The following PFKP variants were observed in gnomAD, a reference collection of about 807,000 sequenced individuals.
PFKP encodes phosphofructokinase, platelet, also known as ATP-dependent 6-phosphofructokinase, platelet type.
In PFKP, 101 loss-of-function variants were observed where a neutral mutation model predicts 94.3. The ratio of observed to expected loss-of-function variants is 1.07; its 90% CI spans 0.91 to 1.26. PFKP has a LOEUF of 1.26. Ranked by LOEUF, PFKP falls within the 50% of genes most tolerant of loss-of-function variation. The pLI is 0.00. For missense variants in PFKP, 1,145 were observed against 1,103.3 expected, an observed-to-expected ratio of 1.04 and a Z score of -0.53; for synonymous variants, 573 against 432.6, an observed-to-expected ratio of 1.32 and a Z score of -4.03.
chr10:3,135,373 TTTC>T (rs1216257625), intron 20 of PFKP, among the ~76,000 whole-genome samples: 103 of 152,366 alleles, frequency 6.8e-4, no homozygotes, highest in African/African-American at 2.4e-3. Context: ...CTACAGCGAT[TTTC>T]TTTTGCTAAT....
chr10:3,128,507 T>A (rs112415505), intron 16 of PFKP, among the ~76,000 whole-genome samples: 1 of 137,248 alleles, frequency 7.3e-6, no homozygotes, highest in African/African-American at 2.7e-5. Flanking sequence ...AATAATACTC[T>A]CTCCCACAGC....
chr10:3,129,058 G>A (rs905495431), intron 16 of PFKP: 5 of 152,270 alleles, frequency 3.3e-5, no homozygotes, highest in South Asian at 2.1e-4. Context: ...CTGTGTGAAC[G>A]GATTGGAGGG....
rs1476616343 is a variant in PFKP, at chr10:3,080,533, AAAAAAAAG to A, written c.113-1853_113-1846del. On this transcript the variant is annotated intron_variant, in intron 1 of 21. Coordinates refer to ENST00000381125, the MANE Select transcript of PFKP (RefSeq NM_002627.5). The stretch of plus-strand genomic sequence containing the variant: ...CTCCGTCTCAAAAAAAAAAAAAAAA[AAAAAAAAG>A]AGAATATTGAAACTGGTATGGAAAA... Among the ~76,000 whole-genome samples, 492 of 151,006 alleles carry A rather than the reference AAAAAAAAG, an allele frequency of 3.3e-3. 2 individuals are homozygous for A. The highest frequency in any genetic ancestry group is 0.011 in the African/African-American group (468 of 41,158).
intron 17 of PFKP, among the ~76,000 whole-genome samples, chr10:3,131,872 T>C (rs1838628338): frequency 6.6e-6 from 1 of 152,210 alleles, no homozygotes; most frequent in Non-Finnish European, 1.5e-5. Context: ...GTAATCCTCC[T>C]AACATGATCT....
At chr10:3,112,190 A>G in intron 10 of PFKP, 32 bp from the exon 11 acceptor site, 6 of 1,587,372 alleles carry the variant, frequency 3.8e-6, no homozygotes, top group Non-Finnish European at 4.3e-6. Context: ...GTCCTGACAC[A>G]TTCTTTCTTC....
intron 2 of PFKP, among the ~76,000 whole-genome samples, chr10:3,094,638 C>T (rs78236406): frequency 0.031 from 4,661 of 152,192 alleles, 246 homozygotes; most frequent in African/African-American, 0.11. Flanking sequence ...AGGATAAAGC[C>T]ACGATTCCTG....
intron 15 of PFKP, 21 bp from the exon 16 acceptor site, chr10:3,119,871 A>G: frequency 6.2e-7 from 1 of 1,612,090 alleles, no homozygotes; most frequent in Non-Finnish European, 8.5e-7. Context: ...TCGCCCCACA[A>G]CTCCCACGCT....
At position 3,115,289 on chromosome 10, in the gene PFKP, G is replaced by A. The variant is rs868615913; in HGVS notation, c.1372-1487G>A. On this transcript the variant is annotated intron_variant, in intron 13 of 21. Transcript: ENST00000381125. ...TGAAAGTGTGTGTCCCACGGCGGAG[G>A]ACAGGACTGGGGATGCTGGGGTGAA... Among the ~76,000 whole-genome samples, 511 of 144,326 alleles carry A rather than the reference G, an allele frequency of 3.5e-3. 22 individuals carry two copies. The highest frequency in any genetic ancestry group is 0.014 in the Middle Eastern group (4 of 280). The allele number at this position is 144,326 out of a possible 152,430, so 94.7% of individuals were successfully genotyped here.
chr10:3,075,350 G>A (rs907657384), intron 1 of PFKP, among the ~76,000 whole-genome samples: 6 of 151,894 alleles, frequency 4.0e-5, no homozygotes, highest in East Asian at 1.9e-4. Context: ...TTTTGTCAGC[G>A]TTTAATAAGG....
At position 3,136,733 on chromosome 10, in the gene PFKP, G is replaced by C. The variant is rs2036355803; in HGVS notation, c.*154G>C. 1 of 669,388 alleles carries C rather than the reference G, an allele frequency of 1.5e-6. No individual in the cohort carries two copies. Among genetic ancestry groups the C allele is most frequent in the Non-Finnish European group, 2.5e-6 (1 of 396,778 alleles). 41.5% of individuals were successfully genotyped at this position (669,388 alleles called of 1,614,324 possible). The stretch of plus-strand genomic sequence containing the variant: ...CCACCTGCTCCAGTGCGTGCTGTCT[G>C]TGGAGTGTGTCTCATGCTTTCAGAT... On this transcript the variant is annotated 3_prime_UTR_variant, in exon 22 of 22. Coordinates refer to ENST00000381125, the MANE Select transcript of PFKP (RefSeq NM_002627.5).
In PFKP at chr10:3,067,720, C is replaced by A. The variant is rs753299847; in HGVS notation, c.112+13C>A. ...GGGGATGCTCAAGGTGCGCGCCCCC[C>A]TCCCGGCGGCGAGGGAGGGACGGAC... On this transcript the variant is annotated intron_variant, in intron 1 of 21. Transcript: ENST00000381125. 8.7e-5 allele frequency: 123 copies of A among 1,411,104 alleles called. 1 individual carries two copies. In the Middle Eastern group the frequency reaches 1.3e-3, roughly 15 times the overall value. 87.4% of individuals were successfully genotyped at this position (1,411,104 alleles called of 1,614,324 possible). A position where few individuals can be genotyped will look rare whatever the true frequency, so the allele number is the denominator to read the frequency against.
At chr10:3,128,457 C>T (rs1013581502) in intron 16 of PFKP, among the ~76,000 whole-genome samples, 4 of 152,048 alleles carry the variant, frequency 2.6e-5, no homozygotes, top group East Asian at 1.9e-4. Context: ...CTGTGTGTCC[C>T]GTGGCCGCTG....
intron 16 of PFKP, among the ~76,000 whole-genome samples, chr10:3,124,436 G>C (rs1837723788): frequency 6.6e-6 from 1 of 152,202 alleles, no homozygotes; most frequent in Admixed American, 6.5e-5. Context: ...TGATACCGGA[G>C]CGCATTTCCC....
chr10:3,081,484 G>A (rs941629869), intron 1 of PFKP, among the ~76,000 whole-genome samples: 1 of 152,202 alleles, frequency 6.6e-6, no homozygotes, highest in Non-Finnish European at 1.5e-5. Flanking sequence ...GGTGTGTTTG[G>A]GAGCAAAGGC....
At chr10:3,093,479 C>A (rs931166943) in intron 2 of PFKP, among the ~76,000 whole-genome samples, 1 of 152,162 alleles carries the variant, frequency 6.6e-6, no homozygotes, top group Non-Finnish European at 1.5e-5. Context: ...AGAGCCCATG[C>A]CTTCCACTAA....
intron 13 of PFKP, 136 bp downstream of exon 13, chr10:3,113,654 A>ATAACTACTTATTTAAGGCAAG: frequency 1.5e-6 from 1 of 677,660 alleles, no homozygotes; most frequent in Non-Finnish European, 2.4e-6. Flanking sequence ...TTGTGACTGA[A>ATAACTACTTATTTAAGGCAAG]GCATTGCTTC....
At chr10:3,094,393 C>A (rs1192877869) in intron 2 of PFKP, among the ~76,000 whole-genome samples, 2 of 152,220 alleles carry the variant, frequency 1.3e-5, no homozygotes, top group East Asian at 3.8e-4. Flanking sequence ...CGTGTGCTAA[C>A]CTATTTTAGA....
chr10:3,107,081 C>A lies in PFKP; in HGVS notation c.775-133C>A, dbSNP rs948852493. On this transcript the variant is annotated intron_variant, in intron 7 of 21. Transcript: ENST00000381125. Reference sequence around the variant, plus strand: ...CTTCTGATGTCATTGGGAAGCAGCTCTTAGGAAGTTAGGCAAAGATTCCTG... The same window carrying A: ...CTTCTGATGTCATTGGGAAGCAGCTATTAGGAAGTTAGGCAAAGATTCCTG... 1.5e-5 allele frequency: 9 copies of A among 594,144 alleles called. No homozygotes were observed. The African/African-American group carries it at 1.6e-4, about 11-fold the overall frequency. 36.8% of individuals were successfully genotyped at this position (594,144 alleles called of 1,614,324 possible).
chr10:3,074,566 G>A (rs542160422), intron 1 of PFKP, among the ~76,000 whole-genome samples: 6 of 152,324 alleles, frequency 3.9e-5, no homozygotes, highest in East Asian at 1.9e-4. Flanking sequence ...GGTGGGGCAC[G>A]TGGCAGGGCA....
Sources: allele counts gnomAD v4.1 joint callset (sites outside exome capture counted in the v4.1 genomes callset), GRCh38; gene constraint gnomAD v4.1.1; transcripts MANE v1.5; gene names NCBI Gene and HGNC (gene_info 2026-07-23, HGNC 2026-07-21).